The following PLXNB1 variants were observed in gnomAD, a reference collection of about 807,000 sequenced individuals.
PLXNB1 encodes plexin B1.
Under a neutral mutation model 209.4 loss-of-function variants are expected in PLXNB1, and 106 were observed. The observed-to-expected ratio is 0.51, with a 90% CI of 0.43 to 0.59. The LOEUF (loss-of-function observed/expected upper bound fraction) is 0.59, where lower values mean the gene tolerates loss of function less well. PLXNB1 is among the 20% of genes least tolerant of loss of function. The probability of loss-of-function intolerance (pLI) is 0.00; values close to 1 mark genes in which losing one functional copy is unlikely to be tolerated. For missense variants in PLXNB1, 2,357 were observed against 2,853.2 expected (o/e 0.83, Z 3.96); for synonymous variants, 1,167 against 1,183.2 (o/e 0.99, Z 0.28).
intron 7 of PLXNB1, 73 bp from the exon 8 acceptor site, chr3:48,421,457 C>A: frequency 6.9e-7 from 1 of 1,454,924 alleles, no homozygotes; most frequent in Non-Finnish European, 9.3e-7. Context: ...ATGGGACACC[C>A]AATGTGGGCA....
chr3:48,412,864 G>A lies in PLXNB1; in HGVS notation c.4732C>T (p.Pro1578Ser). The change falls in exon 25 of 38, where the codon CCT (proline) becomes TCT (serine). Residue 1578 changes from proline to serine, a missense_variant. Pro to Ser is a moderately conservative substitution (Grantham distance 74). This residue lies in a region of PLXNB1 where 743 missense variants were observed against 896.2 expected (regional missense o/e 0.83). Transcript: ENST00000296440. ...TGCAAGGGCGACTCGCGGTGCCCAG[G>A]GAAGAAGATCCTCTCCGCATACACC... is the stretch of plus-strand genomic sequence containing the variant. ...YKVYAERIFF[P>S]GHRESPLHRD... The A allele has an allele frequency of 6.2e-7, 1 of 1,613,894 alleles. No homozygotes were observed. The highest frequency in any genetic ancestry group is 8.5e-7 in the Non-Finnish European group (1 of 1,180,032).
chr3:48,407,344 A>T (rs1220597640), intron 34 of PLXNB1, among the ~76,000 whole-genome samples: 2 of 152,012 alleles, frequency 1.3e-5, no homozygotes, highest in Admixed American at 6.6e-5. Context: ...ATCATTTCTC[A>T]GCTCCACATG....
chr3:48,413,969 C>T lies in PLXNB1; in HGVS notation c.4312G>A (p.Glu1438Lys), dbSNP rs1392886910. ...GGCAGGGGCTGCTCCACGGGGGGCT[C>T]GCAGTACAGGTGGTGCCGCGTCAGC... ...KTLTRHHLYC[E>K]PPVEQPLPRH... is the part of the protein sequence containing the mutation. The change falls in exon 22 of 38, where the codon GAG becomes AAG. Residue 1438 changes from glutamate to lysine, a missense_variant. Glu to Lys is a moderately conservative substitution (Grantham distance 56). This residue lies in a region of PLXNB1 where 743 missense variants were observed against 896.2 expected (regional missense o/e 0.83). Coordinates refer to ENST00000296440, the MANE Select transcript of PLXNB1 (RefSeq NM_001130082.3). The surrounding 1 kb of genome is among the most constrained non-coding windows in gnomAD (Gnocchi z 5.4). 1 of 1,613,402 alleles carries T rather than the reference C, an allele frequency of 6.2e-7. No individual in the cohort carries two copies. The highest frequency in any genetic ancestry group is 1.3e-5 in the African/African-American group (1 of 74,928).
chr3:48,417,652 G>A lies in PLXNB1; in HGVS notation c.3374+259C>T, dbSNP rs2038187670. ...TCCCTCAGAAGACCAGGTGAGCAGA[G>A]CAGGAAGCAGAGCCACGAGTCAGTT... On this transcript the variant is annotated intron_variant, in intron 16 of 37. Coordinates refer to ENST00000296440, the MANE Select transcript of PLXNB1 (RefSeq NM_001130082.3). The surrounding 1 kb of genome is among the most constrained non-coding windows in gnomAD (Gnocchi z 4.4). Among the ~76,000 whole-genome samples the A allele has an allele frequency of 2.0e-5, 3 of 152,180 alleles. No homozygotes were observed.
Position 48,410,553 on chromosome 3 carries a change from G to A in PLXNB1, c.5422C>T (p.Arg1808Trp), listed in dbSNP as rs374441946. The A allele has an allele frequency of 5.0e-6, 8 of 1,612,892 alleles. No homozygotes were observed. Among genetic ancestry groups the A allele is most frequent in the Admixed American group, 1.7e-5 (1 of 60,002 alleles). The part of the protein sequence containing the change: ...PDPRTLDVEW[R>W]SGVAGHLILS... ...ATGAGGTGCCCGGCCACCCCAGACC[G>A]CCACTCTGCAAGGGCAAGGCAGAAC... The change falls in exon 30 of 38, where the codon CGG becomes TGG. Residue 1808 changes from arginine to tryptophan, a missense_variant. By Grantham distance (101) the Arg-to-Trp change is moderately radical. Transcript: ENST00000296440. The surrounding 1 kb of genome is among the most constrained non-coding windows in gnomAD (Gnocchi z 6.4).
rs1376346130 is a variant in PLXNB1 at position 48,419,061 on chromosome 3, GT to G, written c.2833-23del. 1 of 1,612,030 alleles carries G rather than the reference GT, an allele frequency of 6.2e-7. No homozygotes were observed. Among genetic ancestry groups the G allele is most frequent in the Non-Finnish European group, 8.5e-7 (1 of 1,178,360 alleles). On this transcript the variant is annotated intron_variant, in intron 12 of 37. Transcript: ENST00000296440. The surrounding 1 kb of genome is among the most constrained non-coding windows in gnomAD (Gnocchi z 5.7). The stretch of plus-strand genomic sequence containing the variant: ...CATCCTGAGGGCAGAGAACACAGCT[GT>G]TGGGCAGCTTCAGGAGCTGGGCCCA...
In PLXNB1 at chr3:48,405,840, G is replaced by T; in HGVS notation, c.6229-42C>A. The T allele has an allele frequency of 1.3e-6, 2 of 1,549,010 alleles. No homozygotes were observed. Among genetic ancestry groups the T allele is most frequent in the Non-Finnish European group, 1.8e-6 (2 of 1,124,174 alleles). ...ATGAAAGGTGAGAGAGACGAGGGGT[G>T]CAGAGAGCCACAGGAGGCAGCCCAG... On this transcript the variant is annotated intron_variant, in intron 36 of 37. Coordinates refer to ENST00000296440, the MANE Select transcript of PLXNB1 (RefSeq NM_001130082.3). This position sits in a 1 kb window ranked among gnomAD's most constrained non-coding sequence, Gnocchi z 5.0.
chr3:48,420,635 C>A (rs761796262), intron 10 of PLXNB1, 30 bp downstream of exon 10: 5 of 1,571,610 alleles, frequency 3.2e-6, no homozygotes, highest in Non-Finnish European at 4.4e-6. Flanking sequence ...CCAACCCCCC[C>A]GGTATGGCCC....
chr3:48,416,285 G>T lies in PLXNB1; in HGVS notation c.3480+61C>A. The T allele has an allele frequency of 6.4e-7, 1 of 1,558,424 alleles. No homozygotes were observed. The highest frequency in any genetic ancestry group is 8.8e-7 in the Non-Finnish European group (1 of 1,135,228). On this transcript the variant is annotated intron_variant, in intron 17 of 37. Transcript: ENST00000296440. The surrounding 1 kb of genome is among the most constrained non-coding windows in gnomAD (Gnocchi z 4.1). The stretch of plus-strand genomic sequence containing the variant: ...CCACCAAGGAATAACCAGATGGGTT[G>T]AGAGGAGCCACCAGAGAGGTTGGCC...
Position 48,415,053 on chromosome 3 carries a change from A to T in PLXNB1, c.3967-12T>A, listed in dbSNP as rs757094399. On this transcript the variant is annotated splice_polypyrimidine_tract_variant and intron_variant, in intron 20 of 37. Transcript: ENST00000296440. The surrounding 1 kb of genome is among the most constrained non-coding windows in gnomAD (Gnocchi z 5.0). ...CACGGCTCCTCAAACTGGAAGGAAG[A>T]CAGGCAGGTTGACGAGGGGCCAAGC... 31 of 1,611,156 alleles carry T rather than the reference A, an allele frequency of 1.9e-5. No homozygotes were observed. Among genetic ancestry groups the T allele is most frequent in the Non-Finnish European group, 2.6e-5 (31 of 1,178,290 alleles).
intron 10 of PLXNB1, 108 bp from the exon 11 acceptor site, chr3:48,420,365 G>T: frequency 1.4e-6 from 1 of 698,900 alleles, no homozygotes; most frequent in South Asian, 1.9e-5. Context: ...CCAAGGAAAA[G>T]AGAAATAAAA....
rs548636081 is a variant in PLXNB1, at chr3:48,405,856, G to A, written c.6229-58C>T. The A allele has an allele frequency of 1.4e-5, 19 of 1,406,730 alleles. No homozygotes were observed. The African/African-American group carries it at 2.4e-4, about 18-fold the overall frequency. 87.1% of individuals were successfully genotyped at this position (1,406,730 alleles called of 1,614,324 possible). A position where few individuals can be genotyped will look rare whatever the true frequency, so the allele number is the denominator to read the frequency against. On this transcript the variant is annotated intron_variant, in intron 36 of 37. Coordinates refer to ENST00000296440, the MANE Select transcript of PLXNB1 (RefSeq NM_001130082.3). This position sits in a 1 kb window ranked among gnomAD's most constrained non-coding sequence, Gnocchi z 5.0. ...ACGAGGGGTGCAGAGAGCCACAGGA[G>A]GCAGCCCAGGACCCCAGGGAAGGGC...
Position 48,413,503 on chromosome 3 carries a change from G to A in PLXNB1, c.4535+167C>T. ...TCCCTGGCTGCCTTTGTGCCACAGT[G>A]GCAAAGCTGAGTTGTTGAACAGAGA... On this transcript the variant is annotated intron_variant, in intron 23 of 37. Transcript: ENST00000296440. The surrounding 1 kb of genome is among the most constrained non-coding windows in gnomAD (Gnocchi z 5.4). 1.4e-6 allele frequency: 1 copy of A among 695,392 alleles called. No individual in the cohort carries two copies. The highest frequency in any genetic ancestry group is 2.4e-6 in the Non-Finnish European group (1 of 425,166). The allele number at this position is 695,392 out of a possible 1,614,324, so 43.1% of individuals were successfully genotyped here.
chr3:48,411,131 C>A lies in PLXNB1; in HGVS notation c.5248-95G>T, dbSNP rs1397525666. The A allele has an allele frequency of 2.9e-6, 3 of 1,035,242 alleles. No individual in the cohort carries two copies. Among genetic ancestry groups the A allele is most frequent in the East Asian group, 2.6e-5 (1 of 38,802 alleles). The allele number at this position is 1,035,242 out of a possible 1,614,324, so 64.1% of individuals were successfully genotyped here. ...AGAGACAACTCATGAGAAACTGCTGCCTCCAATCCCCACGCACCACACAAT... is the reference window on the plus strand; with the variant it reads ...AGAGACAACTCATGAGAAACTGCTGACTCCAATCCCCACGCACCACACAAT... On this transcript the variant is annotated intron_variant, in intron 28 of 37. Transcript: ENST00000296440. The surrounding 1 kb of genome is among the most constrained non-coding windows in gnomAD (Gnocchi z 4.0).
chr3:48,418,457 C>T lies in PLXNB1; in HGVS notation c.3041G>A (p.Gly1014Glu). 6.2e-7 allele frequency: 1 copy of T among 1,613,334 alleles called. No individual in the cohort carries two copies. The highest frequency in any genetic ancestry group is 2.2e-5 in the East Asian group (1 of 44,848). ...GCCCGCAGGTGGCTCACCATGCAGCCCCTCAGCACTGTCCACACGCAGACG... is the reference window on the plus strand; with the variant it reads ...GCCCGCAGGTGGCTCACCATGCAGCTCCTCAGCACTGTCCACACGCAGACG... ...AGRLRVDSAEGLHVVLYDCSV... is the reference protein window; with the variant it reads ...AGRLRVDSAEELHVVLYDCSV... Residue 1014 changes from glycine to glutamate, a missense_variant, in exon 14 of 38, where the codon GGG (glycine) becomes GAG (glutamate). Coordinates refer to ENST00000296440, the MANE Select transcript of PLXNB1 (RefSeq NM_001130082.3). This position sits in a 1 kb window ranked among gnomAD's most constrained non-coding sequence, Gnocchi z 6.6.
Position 48,419,021 on chromosome 3 carries a change from C to T in PLXNB1, c.2851G>A (p.Glu951Lys). 1 of 1,614,092 alleles carries T rather than the reference C, an allele frequency of 6.2e-7. No homozygotes were observed. The highest frequency in any genetic ancestry group is 8.5e-7 in the Non-Finnish European group (1 of 1,180,016). ...HLFQDGPGDNECVMELEGLEV... is the reference protein window; with the variant it reads ...HLFQDGPGDNKCVMELEGLEV... Reference sequence around the variant, plus strand: ...AGGCCCTCCAGCTCCATCACACACTCATTGTCTCCTGGGCCATCCTGAGGG... The same window carrying T: ...AGGCCCTCCAGCTCCATCACACACTTATTGTCTCCTGGGCCATCCTGAGGG... The change falls in exon 13 of 38, where the codon GAG becomes AAG. Residue 951 changes from glutamate (E) to lysine (K), a missense_variant. Physicochemically the swap from Glu to Lys is moderately conservative, Grantham distance 56. Transcript: ENST00000296440. The surrounding 1 kb of genome is among the most constrained non-coding windows in gnomAD (Gnocchi z 5.7).
At position 48,418,973 on chromosome 3, in the gene PLXNB1, C is replaced by T. The variant is rs199877846; in HGVS notation, c.2899G>A (p.Val967Ile). 3.2e-4 allele frequency: 509 copies of T among 1,614,086 alleles called. 10 individuals carry two copies. In the South Asian group the frequency reaches 5.4e-3, roughly 17 times the overall value. ...EGLEVVVEARVECEPPPDTQC... is the reference protein window; with the variant it reads ...EGLEVVVEARIECEPPPDTQC... ...GTATCTGGAGGTGGCTCACACTCGA[C>T]CCGGGCCTCAACCACCACCTCGAGG... Residue 967 changes from valine to isoleucine, a missense_variant, in exon 13 of 38, where the codon GTC becomes ATC. Val to Ile is a conservative substitution (Grantham distance 29, BLOSUM62 3). Coordinates refer to ENST00000296440, the MANE Select transcript of PLXNB1 (RefSeq NM_001130082.3). The surrounding 1 kb of genome is among the most constrained non-coding windows in gnomAD (Gnocchi z 6.6).
At position 48,417,787 on chromosome 3, in the gene PLXNB1, G is replaced by T. The variant is rs1234170988; in HGVS notation, c.3374+124C>A. On this transcript the variant is annotated intron_variant, in intron 16 of 37. Transcript: ENST00000296440. This position sits in a 1 kb window ranked among gnomAD's most constrained non-coding sequence, Gnocchi z 4.4. ...GGCAACGCTGGCACTCGGGCATTGTGGCCAGGATCAAGGAACAGGGAGAGA... is the reference window on the plus strand; with the variant it reads ...GGCAACGCTGGCACTCGGGCATTGTTGCCAGGATCAAGGAACAGGGAGAGA... 6 of 1,083,448 alleles carry T rather than the reference G, an allele frequency of 5.5e-6. No homozygotes were observed. The African/African-American group carries it at 7.9e-5, about 14-fold the overall frequency. The allele number at this position is 1,083,448 out of a possible 1,614,324, so 67.1% of individuals were successfully genotyped here.
chr3:48,426,933 G>A (rs2038925057), intron 1 of PLXNB1, among the ~76,000 whole-genome samples: 1 of 152,162 alleles, frequency 6.6e-6, no homozygotes, highest in Non-Finnish European at 1.5e-5. Context: ...ACCTGAGGAT[G>A]GGCAGAGGCC....
Sources: allele counts gnomAD v4.1 joint callset (sites outside exome capture counted in the v4.1 genomes callset), GRCh38; gene constraint gnomAD v4.1.1; regional missense constraint gnomAD v4.1.1; non-coding constraint Gnocchi (gnomAD v3.1); transcripts MANE v1.5; gene names NCBI Gene and HGNC (gene_info 2026-07-23, HGNC 2026-07-21).